The following PPP1R12A variants were observed in gnomAD, a reference collection of about 807,000 sequenced individuals.
PPP1R12A encodes the protein myosin binding subunit.
Under a neutral mutation model 139.6 loss-of-function variants are expected in PPP1R12A, and 19 were observed. The ratio of observed to expected loss-of-function variants is 0.14; its 90% CI spans 0.09 to 0.20. The LOEUF (loss-of-function observed/expected upper bound fraction) is 0.20. Ranked by LOEUF, PPP1R12A falls within the 10% of genes least tolerant of loss-of-function variation. The pLI, the probability that PPP1R12A is intolerant of heterozygous loss-of-function variation, is 1.00. For synonymous variants in PPP1R12A, 427 were observed against 420.6 expected (o/e 1.02, Z -0.19); for missense variants, 925 against 1,211.5 (o/e 0.76, Z 3.51).
In PPP1R12A at chr12:79,851,501, C is replaced by T. The variant is rs7311920; in HGVS notation, c.369-6081G>A. Among the ~76,000 whole-genome samples, 794 of 152,274 alleles carry T rather than the reference C, an allele frequency of 5.2e-3. 12 individuals carry two copies. The highest frequency in any genetic ancestry group is 0.018 in the African/African-American group (754 of 41,560). On this transcript the variant is annotated intron_variant, in intron 2 of 24. Coordinates refer to ENST00000450142, the MANE Select transcript of PPP1R12A (RefSeq NM_002480.3). ...GTCTCCATGATTTCTGATGAGAAATCTGCTGTCATTCAAACTATTTATCCC... is the reference window on the plus strand; with the variant it reads ...GTCTCCATGATTTCTGATGAGAAATTTGCTGTCATTCAAACTATTTATCCC...
At chr12:79,781,923 G>T in intron 22 of PPP1R12A, 61 bp from the exon 23 acceptor site, 1 of 970,368 alleles carries the variant, frequency 1.0e-6, no homozygotes, top group Non-Finnish European at 1.6e-6. Context: ...GGTGACCACA[G>T]TAATTCTCTT....
At position 79,820,870 on chromosome 12, in the gene PPP1R12A, C is replaced by G. The variant is rs538993860; in HGVS notation, c.1018G>C (p.Glu340Gln). The change falls in exon 8 of 25, where the codon GAA becomes CAA. Residue 340 changes from glutamate to glutamine, a missense_variant. Transcript: ENST00000450142. Reference protein sequence around the residue: ...NASRIESLEQEKVDEEEEGKK... With the variant: ...NASRIESLEQQKVDEEEEGKK... The stretch of plus-strand genomic sequence containing the variant: ...CCTTCTTCTTCTTCATCAACCTTTT[C>G]TTGTTCCAGAGATTCAATACGGGAT... 6.2e-7 allele frequency: 1 copy of G among 1,613,636 alleles called. No individual in the cohort carries two copies. The highest frequency in any genetic ancestry group is 1.1e-5 in the South Asian group (1 of 91,086).
At chr12:79,854,197 G>C (rs1057048712) in intron 2 of PPP1R12A, among the ~76,000 whole-genome samples, 4 of 152,166 alleles carry the variant, frequency 2.6e-5, no homozygotes, top group African/African-American at 9.7e-5. Context: ...AAGCAGCACA[G>C]AGAATGATAC....
At chr12:79,862,127 G>A (rs1302359896) in intron 2 of PPP1R12A, among the ~76,000 whole-genome samples, 1 of 152,096 alleles carries the variant, frequency 6.6e-6, no homozygotes, top group Admixed American at 6.5e-5. Flanking sequence ...GAAGGATCAG[G>A]CAGCAATATT....
At chr12:79,857,012 T>C (rs1053928267) in intron 2 of PPP1R12A, among the ~76,000 whole-genome samples, 1 of 152,210 alleles carries the variant, frequency 6.6e-6, no homozygotes, top group African/African-American at 2.4e-5. Context: ...TGACATGACT[T>C]TCCTCAGGCA....
chr12:79,911,573 C>T (rs1216996828), intron 1 of PPP1R12A, among the ~76,000 whole-genome samples: 1 of 152,120 alleles, frequency 6.6e-6, no homozygotes, highest in African/African-American at 2.4e-5. Context: ...AACAAACCTG[C>T]TCATGTACCC....
chr12:79,882,361 C>A (rs933960421), intron 1 of PPP1R12A, among the ~76,000 whole-genome samples: 14 of 152,142 alleles, frequency 9.2e-5, no homozygotes, highest in Non-Finnish European at 1.6e-4. Context: ...TTCCAACCCT[C>A]ATGGACTTTG....
chr12:79,893,810 G>C (rs1433447618), intron 1 of PPP1R12A, among the ~76,000 whole-genome samples: 1 of 152,110 alleles, frequency 6.6e-6, no homozygotes. Context: ...GTATAAATAA[G>C]TGATACTCAT....
intron 1 of PPP1R12A, among the ~76,000 whole-genome samples, chr12:79,895,907 C>T (rs1361749506): frequency 6.6e-6 from 1 of 152,066 alleles, no homozygotes; most frequent in Non-Finnish European, 1.5e-5. Flanking sequence ...TTTGTAGGAG[C>T]TCAGAGATTA....
chr12:79,930,494 T>C (rs1360986728), intron 1 of PPP1R12A, among the ~76,000 whole-genome samples: 2 of 152,038 alleles, frequency 1.3e-5, no homozygotes, highest in African/African-American at 4.8e-5. Flanking sequence ...AAAATAAGGC[T>C]AGGTGCGGTG....
At chr12:79,797,053 C>T (rs1412690467) in intron 16 of PPP1R12A, 103 bp from the exon 17 acceptor site, 31 of 1,385,074 alleles carry the variant, frequency 2.2e-5, no homozygotes, top group South Asian at 1.4e-4. Flanking sequence ...ATACTAATCA[C>T]GCCAAAGTAA....
At chr12:79,797,734 T>C (rs1213561047) in intron 15 of PPP1R12A, among the ~76,000 whole-genome samples, 1 of 152,290 alleles carries the variant, frequency 6.6e-6, no homozygotes, top group South Asian at 2.1e-4. Flanking sequence ...TGTATCTATA[T>C]ACACATGCAT....
chr12:79,807,300 T>G lies in PPP1R12A; in HGVS notation c.1581A>C (p.Ser527=). 6.4e-7 allele frequency: 1 copy of G among 1,555,194 alleles called. No individual in the cohort carries two copies. Among genetic ancestry groups the G allele is most frequent in the Non-Finnish European group, 8.7e-7 (1 of 1,148,214 alleles). Residue 527 remains serine, a synonymous_variant, in exon 12 of 25, where the codon TCA becomes TCC. Coordinates refer to ENST00000450142, the MANE Select transcript of PPP1R12A (RefSeq NM_002480.3). ...CATCTTCCCATTTTCTCCTTGTATA[T>G]GAACTACTTGTTCGCAAACTTGAAG... The part of the protein sequence containing the change: ...RDSSSLRTSS[S]YTRRKWEDDL...
intron 22 of PPP1R12A, among the ~76,000 whole-genome samples, chr12:79,783,148 G>C (rs1298360542): frequency 6.6e-6 from 1 of 151,956 alleles, no homozygotes; most frequent in African/African-American, 2.4e-5. Context: ...GTTCTTGTGA[G>C]AAATTCAGTT....
At chr12:79,815,495 T>C (rs1226127185) in intron 9 of PPP1R12A, among the ~76,000 whole-genome samples, 2 of 149,064 alleles carry the variant, frequency 1.3e-5, no homozygotes, top group Non-Finnish European at 3.0e-5. Flanking sequence ...CACTCCAGCC[T>C]GGGTGACAGA....
In PPP1R12A at chr12:79,900,732, CTAAA is replaced by C. The variant is rs368991765; in HGVS notation, c.238-27798_238-27795del. Among the ~76,000 whole-genome samples, 57 of 152,198 alleles carry C rather than the reference CTAAA, an allele frequency of 3.7e-4. No homozygotes were observed. In the East Asian group the frequency reaches 5.0e-3, roughly 13 times the overall value. On this transcript the variant is annotated intron_variant, in intron 1 of 24. Coordinates refer to ENST00000450142, the MANE Select transcript of PPP1R12A (RefSeq NM_002480.3). ...AACGAATTTTAAGAGGAGAAGGCTC[CTAAA>C]TAGTCACCCCAGATGTACCAAAATC...
intron 23 of PPP1R12A, chr12:79,780,270 C>G (rs1398071114): frequency 6.6e-6 from 1 of 151,280 alleles, no homozygotes; most frequent in East Asian, 1.9e-4. Flanking sequence ...AGAGAAAATG[C>G]ATGTAAAGTG....
At chr12:79,805,530 C>CA (rs940036663) in intron 14 of PPP1R12A, 62 bp downstream of exon 14, 4 of 1,502,594 alleles carry the variant, frequency 2.7e-6, no homozygotes, top group Non-Finnish European at 3.6e-6. Context: ...TTTTTTAAAA[C>CA]AAAAAACAAC....
At chr12:79,807,178 A>G in intron 12 of PPP1R12A, 48 bp downstream of exon 12, 1 of 1,097,434 alleles carries the variant, frequency 9.1e-7, no homozygotes, top group Non-Finnish European at 1.3e-6. Context: ...ATTGCCTCAT[A>G]TTTTTATAAA....
Sources: gnomAD v4.1 joint callset for allele counts (sites outside exome capture counted in the v4.1 genomes callset) on GRCh38, gnomAD v4.1.1 for gene constraint, MANE v1.5 for transcripts, NCBI Gene and HGNC (gene_info 2026-07-23, HGNC 2026-07-21) for gene names.